DSN1: variants seen among roughly 807,000 people sequenced by gnomAD.
DSN1 encodes the protein DSN1 component of MIS12 kinetochore complex, also known as kinetochore-associated protein DSN1 homolog.
DSN1 carries 31 observed loss-of-function variants against 45.7 expected under a neutral mutation model. That is an observed-to-expected ratio of 0.68 (90% CI 0.51 to 0.92). The LOEUF (loss-of-function observed/expected upper bound fraction) is 0.92, where lower values mean the gene tolerates loss of function less well. Among genes scored for constraint, DSN1 ranks in the 40% least tolerant of loss-of-function variants. DSN1 has a pLI of 0.00. For missense variants in DSN1, 394 were observed against 414.2 expected (o/e 0.95, Z 0.42); for synonymous variants, 134 against 142.3 (o/e 0.94, Z 0.41).
In DSN1 at chr20:36,752,766, T is replaced by G; in HGVS notation, c.*22A>C. On this transcript the variant is annotated 3_prime_UTR_variant, in exon 11 of 11. Transcript: ENST00000373750. The stretch of plus-strand genomic sequence containing the variant: ...CCCATTCCTCTCCTCTTGGGCACCT[T>G]GTGGCAGAAACTCTCATAAAGTCAC... The G allele has an allele frequency of 6.2e-7, 1 of 1,601,692 alleles. No homozygotes were observed. Among genetic ancestry groups the G allele is most frequent in the African/African-American group, 1.3e-5 (1 of 74,748 alleles).
chr20:36,757,935 G>A lies in DSN1; in HGVS notation c.725+152C>T, dbSNP rs1189319589. On this transcript the variant is annotated intron_variant, in intron 8 of 10. Transcript: ENST00000373750. ...TCCTCTCACTCACTTCCCGTTTCTG[G>A]TCAGAGAGTGCTAATACACACTACA... 8.0e-5 allele frequency: 55 copies of A among 685,142 alleles called. No individual in the cohort carries two copies. In the South Asian group the frequency reaches 1.0e-3, roughly 13 times the overall value. The allele number at this position is 685,142 out of a possible 1,614,324, so 42.4% of individuals were successfully genotyped here.
chr20:36,761,474 C>T (rs995800023), intron 6 of DSN1, among the ~76,000 whole-genome samples: 2 of 152,282 alleles, frequency 1.3e-5, no homozygotes, highest in South Asian at 4.1e-4. Context: ...GGGCTCATGG[C>T]TGTAATCCCA....
intron 9 of DSN1, 32 bp from the exon 10 acceptor site, chr20:36,754,882 G>A (rs371737366): frequency 6.3e-7 from 1 of 1,582,632 alleles, no homozygotes; most frequent in African/African-American, 1.3e-5. Flanking sequence ...GAGCTGTAAA[G>A]GTCCATGGCT....
chr20:36,771,263 A>G, intron 2 of DSN1, 70 bp from the exon 3 acceptor site: 1 of 1,533,132 alleles, frequency 6.5e-7, no homozygotes, highest in South Asian at 1.3e-5. Context: ...AAAAAAGTGG[A>G]AAAAGTAAAT....
rs1986417535 is a variant in DSN1 at position 36,752,223 on chromosome 20, T to C, written c.*565A>G. 1 of 152,136 alleles carries C rather than the reference T, an allele frequency of 6.6e-6. No individual in the cohort carries two copies. The highest frequency in any genetic ancestry group is 2.4e-5 in the African/African-American group (1 of 41,388). 9.4% of individuals were successfully genotyped at this position (152,136 alleles called of 1,614,324 possible). Reference sequence around the variant, plus strand: ...GCACACGCCACCACACCCAGCTAACTTTTTGTATTTTTTGTAGACAGGGTT... The same window carrying C: ...GCACACGCCACCACACCCAGCTAACCTTTTGTATTTTTTGTAGACAGGGTT... On this transcript the variant is annotated 3_prime_UTR_variant, in exon 11 of 11. Transcript: ENST00000373750.
At chr20:36,770,828 T>C in intron 3 of DSN1, 45 bp downstream of exon 3, 1 of 1,551,226 alleles carries the variant, frequency 6.4e-7, no homozygotes, top group East Asian at 2.2e-5. Context: ...AACCTGTCTC[T>C]TATCTGAGCT....
intron 3 of DSN1, among the ~76,000 whole-genome samples, chr20:36,769,911 AC>A (rs1987543494): frequency 9.9e-6 from 1 of 101,118 alleles, no homozygotes; most frequent in South Asian, 3.1e-4. Flanking sequence ...ATACACACAC[AC>A]ACACACACAC....
At chr20:36,757,248 CGGGA>C (rs1986721539) in intron 8 of DSN1, among the ~76,000 whole-genome samples, 1 of 151,938 alleles carries the variant, frequency 6.6e-6, no homozygotes, top group Admixed American at 6.6e-5. Context: ...CCCAGCTACT[CGGGA>C]GGCTGAGGCA....
intron 3 of DSN1, among the ~76,000 whole-genome samples, chr20:36,768,779 G>C (rs1465675983): frequency 5.3e-5 from 8 of 152,138 alleles, no homozygotes; most frequent in Admixed American, 5.2e-4. Flanking sequence ...TTTACAAATG[G>C]GAAAACTGCA....
At position 36,752,744 on chromosome 20, in the gene DSN1, A is replaced by G; in HGVS notation, c.*44T>C. On this transcript the variant is annotated 3_prime_UTR_variant, in exon 11 of 11. Coordinates refer to ENST00000373750, the MANE Select transcript of DSN1 (RefSeq NM_001145315.2). ...CACCACGTGCTGGGGCACTCTTCCC[A>G]TTCCTCTCCTCTTGGGCACCTTGTG... The G allele has an allele frequency of 6.5e-7, 1 of 1,531,936 alleles. No individual in the cohort carries two copies. The highest frequency in any genetic ancestry group is 9.0e-7 in the Non-Finnish European group (1 of 1,106,012). 94.9% of individuals were successfully genotyped at this position (1,531,936 alleles called of 1,614,324 possible).
chr20:36,767,081 G>A (rs923106280), intron 4 of DSN1, among the ~76,000 whole-genome samples: 2 of 151,822 alleles, frequency 1.3e-5, no homozygotes, highest in Non-Finnish European at 2.9e-5. Flanking sequence ...TGAGACAGGC[G>A]GATAATAAGG....
chr20:36,763,177 G>A (rs1027185891), intron 5 of DSN1, among the ~76,000 whole-genome samples: 2 of 152,100 alleles, frequency 1.3e-5, no homozygotes, highest in African/African-American at 4.8e-5. Context: ...GCCAAGGCAG[G>A]CATATCACTT....
At chr20:36,753,449 C>T (rs1986485770) in intron 10 of DSN1, among the ~76,000 whole-genome samples, 1 of 151,276 alleles carries the variant, frequency 6.6e-6, no homozygotes, top group Non-Finnish European at 1.5e-5. Context: ...ACCAGCCTGA[C>T]CAACATGGTG....
At chr20:36,756,474 T>C (rs1986685166) in intron 8 of DSN1, among the ~76,000 whole-genome samples, 1 of 152,204 alleles carries the variant, frequency 6.6e-6, no homozygotes, top group African/African-American at 2.4e-5. Context: ...TACCAAAACA[T>C]GCTGGCCTAC....
chr20:36,761,760 G>A lies in DSN1; in HGVS notation c.590+701C>T, dbSNP rs559204994. Among the ~76,000 whole-genome samples the A allele has an allele frequency of 2.6e-5, 4 of 152,144 alleles. No homozygotes were observed. The South Asian group carries it at 6.2e-4, about 24-fold the overall frequency. ...ACCTATAATCTCAGCACTTTGGGAG[G>A]CTAAGTAGGGCGAATTACTTGAGGT... On this transcript the variant is annotated intron_variant, in intron 6 of 10. Transcript: ENST00000373750.
At chr20:36,760,142 G>A (rs1368714498) in intron 6 of DSN1, among the ~76,000 whole-genome samples, 1 of 152,070 alleles carries the variant, frequency 6.6e-6, no homozygotes, top group African/African-American at 2.4e-5. Flanking sequence ...TACTAGGGAG[G>A]CTGAGGCAGG....
chr20:36,760,842 A>G (rs927134339), intron 6 of DSN1, among the ~76,000 whole-genome samples: 3 of 152,182 alleles, frequency 2.0e-5, no homozygotes, highest in African/African-American at 7.2e-5. Context: ...GTGAGTAGAG[A>G]TTGCGCCATT....
chr20:36,759,961 C>G (rs578024531), intron 6 of DSN1, among the ~76,000 whole-genome samples: 3 of 152,012 alleles, frequency 2.0e-5, no homozygotes, highest in Non-Finnish European at 4.4e-5. Flanking sequence ...CTGTGACTCT[C>G]AGCCAGGCGT....
rs1019381219 is a variant in DSN1, at chr20:36,771,336, C to G, written c.34+89G>C. The G allele has an allele frequency of 2.6e-6, 4 of 1,517,586 alleles. No homozygotes were observed. The African/African-American group carries it at 5.6e-5, about 21-fold the overall frequency. The allele number at this position is 1,517,586 out of a possible 1,614,324, so 94.0% of individuals were successfully genotyped here. ...TCTGCAAATAATGAGTATGTGATTCCAAATCTACCAGGAGCCAGGAAAGAT... is the reference window on the plus strand; with the variant it reads ...TCTGCAAATAATGAGTATGTGATTCGAAATCTACCAGGAGCCAGGAAAGAT... On this transcript the variant is annotated intron_variant, in intron 2 of 10. Coordinates refer to ENST00000373750, the MANE Select transcript of DSN1 (RefSeq NM_001145315.2).
Sources: gnomAD v4.1 joint callset for allele counts (sites outside exome capture counted in the v4.1 genomes callset) on GRCh38, gnomAD v4.1.1 for gene constraint, MANE v1.5 for transcripts, NCBI Gene and HGNC (gene_info 2026-07-23, HGNC 2026-07-21) for gene names.